Variants in FBXW7 observed in about 807,000 individuals in gnomAD.
FBXW7 encodes F-box and WD repeat domain containing 7.
FBXW7 carries 11 observed loss-of-function variants against 86.3 expected under a neutral mutation model. The observed-to-expected ratio is 0.13, with a 90% CI of 0.08 to 0.21. The LOEUF (loss-of-function observed/expected upper bound fraction) is 0.21. Among genes scored for constraint, FBXW7 ranks in the 10% least tolerant of loss-of-function variants. The probability of loss-of-function intolerance (pLI) is 1.00; values close to 1 mark genes in which losing one functional copy is unlikely to be tolerated. For synonymous variants in FBXW7, 313 were observed against 297.9 expected (o/e 1.05, Z -0.52); for missense variants, 488 against 847.4 (o/e 0.58, Z 5.27).
rs191754443 is a variant in FBXW7, at chr4:152,368,163, T to G, written c.502-18039A>C. 1.0e-3 allele frequency among the ~76,000 whole-genome samples: 154 copies of G among 152,152 alleles called. 1 individual carries two copies. The highest frequency in any genetic ancestry group is 9.3e-3 in the Admixed American group (142 of 15,256). On this transcript the variant is annotated intron_variant, in intron 4 of 13. Transcript: ENST00000281708. The stretch of plus-strand genomic sequence containing the variant: ...CCAGCACCCCATCTGCAAGAGAGCT[T>G]CTTATTCTTGTAGACAGTACAACTT...
intron 2 of FBXW7, among the ~76,000 whole-genome samples, chr4:152,475,603 A>G (rs1459247115): frequency 6.6e-6 from 1 of 152,266 alleles, no homozygotes; most frequent in Non-Finnish European, 1.5e-5. Context: ...CCTTTATTCA[A>G]AAGCATGTTG....
intron 2 of FBXW7, among the ~76,000 whole-genome samples, chr4:152,468,844 T>C (rs1295796622): frequency 6.6e-6 from 1 of 151,858 alleles, no homozygotes; most frequent in African/African-American, 2.4e-5. Flanking sequence ...TACGCATCAA[T>C]AGGGAAAAAA....
At chr4:152,377,736 CAG>C (rs1314475894) in intron 4 of FBXW7, among the ~76,000 whole-genome samples, 1 of 136,238 alleles carries the variant, frequency 7.3e-6, no homozygotes, top group Non-Finnish European at 1.5e-5. Flanking sequence ...GCCTAGGTGA[CAG>C]AGGAAGAGTC....
intron 6 of FBXW7, among the ~76,000 whole-genome samples, chr4:152,343,489 G>A (rs781321532): frequency 2.6e-5 from 4 of 152,046 alleles, no homozygotes; most frequent in African/African-American, 9.7e-5. Flanking sequence ...TTTATAGAGC[G>A]TGAAAATAAA....
Position 152,411,398 on chromosome 4 carries a change from C to T in FBXW7, c.406G>A (p.Glu136Lys), listed in dbSNP as rs2126877440. Reference protein sequence around the residue: ...DQSDDSSREDEHTHTNSVTNS... With the variant: ...DQSDDSSREDKHTHTNSVTNS... ...GTGACACTGTTAGTATGTGTATGTTCATCTTCTCTGCTACTATCATCAGAC... is the reference window on the plus strand; with the variant it reads ...GTGACACTGTTAGTATGTGTATGTTTATCTTCTCTGCTACTATCATCAGAC... Residue 136 changes from glutamate (E) to lysine (K), a missense_variant, in exon 4 of 14, where the codon GAA (glutamate) becomes AAA (lysine). Physicochemically the swap from Glu to Lys is moderately conservative, Grantham distance 56 (BLOSUM62 1). This residue lies in a region of FBXW7 where 230 missense variants were observed against 240.0 expected (regional missense o/e 0.96). Transcript: ENST00000281708. 8.7e-6 allele frequency: 14 copies of T among 1,613,526 alleles called. No individual in the cohort carries two copies. Among genetic ancestry groups the T allele is most frequent in the Non-Finnish European group, 1.2e-5 (14 of 1,179,820 alleles).
chr4:152,383,328 ACTC>A (rs1735255463), intron 4 of FBXW7, among the ~76,000 whole-genome samples: 1 of 152,076 alleles, frequency 6.6e-6, no homozygotes, highest in African/African-American at 2.4e-5. Flanking sequence ...TGTGCCGTTT[ACTC>A]CTCAAGAACC....
chr4:152,324,422 G>A (rs1728817396), intron 12 of FBXW7, 28 bp from the exon 13 acceptor site: 1 of 1,516,240 alleles, frequency 6.6e-7, no homozygotes. Context: ...TATTAGAATA[G>A]AAGTATGGAT....
At chr4:152,479,053 T>C (rs1354043517) in intron 2 of FBXW7, among the ~76,000 whole-genome samples, 2 of 152,086 alleles carry the variant, frequency 1.3e-5, no homozygotes, top group African/African-American at 2.4e-5. Flanking sequence ...TAAACAAGGA[T>C]GTAGTAGATG....
At chr4:152,343,350 G>A (rs940737375) in intron 6 of FBXW7, among the ~76,000 whole-genome samples, 1 of 152,106 alleles carries the variant, frequency 6.6e-6, no homozygotes, top group Non-Finnish European at 1.5e-5. Context: ...AATTTCTGAG[G>A]TCCACTAAGA....
Position 152,473,647 on chromosome 4 carries a change from A to AT in FBXW7, c.-119-61119dup, listed in dbSNP as rs557413136. ...AGGTGTGCACCACCACGCCTGCCTAATTTTTTTTTTATTTTCCATAGAAAC... is the reference window on the plus strand; with the variant it reads ...AGGTGTGCACCACCACGCCTGCCTAATTTTTTTTTTTATTTTCCATAGAAAC... On this transcript the variant is annotated intron_variant, in intron 2 of 13. Transcript: ENST00000281708. Among the ~76,000 whole-genome samples, 195 of 149,982 alleles carry AT rather than the reference A, an allele frequency of 1.3e-3. 5 individuals carry two copies. The South Asian group carries it at 0.034, about 26-fold the overall frequency.
intron 2 of FBXW7, among the ~76,000 whole-genome samples, chr4:152,422,787 T>C (rs551461826): frequency 6.6e-6 from 1 of 152,334 alleles, no homozygotes; most frequent in South Asian, 2.1e-4. Context: ...TCACTTCTTT[T>C]AAATTATTCT....
At chr4:152,327,357 T>C (rs1729136167) in intron 11 of FBXW7, among the ~76,000 whole-genome samples, 1 of 151,920 alleles carries the variant, frequency 6.6e-6, no homozygotes, top group African/African-American at 2.4e-5. Context: ...ATAAAGAAGA[T>C]GCGATAGACA....
intron 4 of FBXW7, among the ~76,000 whole-genome samples, chr4:152,355,454 G>T (rs1430832439): frequency 1.3e-5 from 2 of 152,038 alleles, no homozygotes; most frequent in Non-Finnish European, 2.9e-5. Context: ...CAACCAAATA[G>T]CTAAGAAACC....
At chr4:152,416,746 T>C (rs1738468811) in intron 2 of FBXW7, among the ~76,000 whole-genome samples, 1 of 152,186 alleles carries the variant, frequency 6.6e-6, no homozygotes, top group Non-Finnish European at 1.5e-5. Context: ...CACTAGTCAA[T>C]CATATATATC....
intron 6 of FBXW7, among the ~76,000 whole-genome samples, chr4:152,343,752 TGAA>T (rs1730975595): frequency 6.6e-6 from 1 of 151,980 alleles, no homozygotes; most frequent in Non-Finnish European, 1.5e-5. Flanking sequence ...CTAAATTAAC[TGAA>T]GCATCAATCT....
rs920619906 is a variant in FBXW7 at position 152,334,277 on chromosome 4, T to C, written c.862-1558A>G. On this transcript the variant is annotated intron_variant, in intron 7 of 13. Transcript: ENST00000281708. ...TTAAAATAAAAAGGTGTAACTATAT[T>C]CAACAATACTCACACATATATAGTC... Among the ~76,000 whole-genome samples, 18 of 152,292 alleles carry C rather than the reference T, an allele frequency of 1.2e-4. No homozygotes were observed. The East Asian group carries it at 3.5e-3, about 29-fold the overall frequency.
chr4:152,442,074 T>C (rs554231040), intron 2 of FBXW7, among the ~76,000 whole-genome samples: 2 of 152,356 alleles, frequency 1.3e-5, no homozygotes, highest in South Asian at 4.1e-4. Context: ...TTTCCAATCT[T>C]ACTTCTAGGC....
chr4:152,358,868 T>G (rs1732655437), intron 4 of FBXW7, among the ~76,000 whole-genome samples: 1 of 152,188 alleles, frequency 6.6e-6, no homozygotes, highest in East Asian at 1.9e-4. Context: ...CAGAATTAAG[T>G]GTCTTGCCCA....
intron 2 of FBXW7, among the ~76,000 whole-genome samples, chr4:152,424,462 A>T (rs1739202952): frequency 6.6e-6 from 1 of 152,226 alleles, no homozygotes; most frequent in African/African-American, 2.4e-5. Context: ...TAGTTCTATT[A>T]CTTAAAACTC....
Sources: allele counts gnomAD v4.1 joint callset (sites outside exome capture counted in the v4.1 genomes callset), GRCh38; gene constraint gnomAD v4.1.1; regional missense constraint gnomAD v4.1.1; transcripts MANE v1.5; gene names NCBI Gene and HGNC (gene_info 2026-07-23, HGNC 2026-07-21).